Variants in PCED1B observed in about 807,000 individuals in gnomAD.
PCED1B encodes PC-esterase domain-containing protein 1B.
For synonymous variants in PCED1B, 251 were observed against 246.1 expected, an observed-to-expected ratio of 1.02 and a Z score of -0.19; for missense variants, 573 against 573.9, an observed-to-expected ratio of 1.00 and a Z score of 0.02.
At chr12:47,119,966 C>CATAATAATAATA (rs57171859) in intron 2 of PCED1B, among the ~76,000 whole-genome samples, 2 of 148,224 alleles carry the variant, frequency 1.3e-5, no homozygotes, top group African/African-American at 5.0e-5. Context: ...ACTCTGTCTC[C>CATAATAATAATA]ATAATAATAA....
intron 2 of PCED1B, among the ~76,000 whole-genome samples, chr12:47,145,735 A>G (rs1940759787): frequency 6.6e-6 from 1 of 152,234 alleles, no homozygotes; most frequent in East Asian, 1.9e-4. Context: ...ATTGAGACCT[A>G]TTACTCAGAA....
chr12:47,126,564 GT>G (rs1357704287), intron 2 of PCED1B, among the ~76,000 whole-genome samples: 1 of 152,026 alleles, frequency 6.6e-6, no homozygotes, highest in Non-Finnish European at 1.5e-5. Flanking sequence ...GCAAACTTTT[GT>G]AAAATTAGTA....
At chr12:47,218,869 G>A (rs539590914) in intron 3 of PCED1B, among the ~76,000 whole-genome samples, 2 of 151,960 alleles carry the variant, frequency 1.3e-5, no homozygotes, top group Non-Finnish European at 2.9e-5. Context: ...TGTGGAAAAA[G>A]GTGACTCAGG....
At chr12:47,232,062 T>C (rs988010535) in intron 3 of PCED1B, among the ~76,000 whole-genome samples, 1 of 152,240 alleles carries the variant, frequency 6.6e-6, no homozygotes, top group Non-Finnish European at 1.5e-5. Context: ...GACCATATTT[T>C]ACTTATTTTT....
At chr12:47,105,383 A>C (rs1705178548) in intron 2 of PCED1B, among the ~76,000 whole-genome samples, 1 of 152,216 alleles carries the variant, frequency 6.6e-6, no homozygotes, top group Non-Finnish European at 1.5e-5. Flanking sequence ...ACCAGTGCGG[A>C]AAGAAAGTTC....
intron 2 of PCED1B, among the ~76,000 whole-genome samples, chr12:47,159,914 A>G (rs1366657711): frequency 6.6e-6 from 1 of 152,158 alleles, no homozygotes; most frequent in East Asian, 1.9e-4. Context: ...TGACTTTTGT[A>G]TGTGGTGAGA....
At chr12:47,173,656 C>A (rs781327699) in intron 2 of PCED1B, among the ~76,000 whole-genome samples, 1 of 151,900 alleles carries the variant, frequency 6.6e-6, no homozygotes, top group Non-Finnish European at 1.5e-5. Flanking sequence ...GGAAGTTGGG[C>A]CATCCTGCCA....
At chr12:47,081,361 A>G (rs573119576) in intron 1 of PCED1B, among the ~76,000 whole-genome samples, 59 of 152,346 alleles carry the variant, frequency 3.9e-4, no homozygotes, top group African/African-American at 1.4e-3. Context: ...GTTGTTTCCT[A>G]CATGGTCCGT....
At position 47,184,841 on chromosome 12, in the gene PCED1B, A is replaced by G. The variant is rs150377400; in HGVS notation, c.-525-31381A>G. Among the ~76,000 whole-genome samples, 437 of 152,282 alleles carry G rather than the reference A, an allele frequency of 2.9e-3. 6 individuals are homozygous for G. In the South Asian group the frequency reaches 0.031, roughly 11 times the overall value. On this transcript the variant is annotated intron_variant, in intron 2 of 3. Coordinates refer to ENST00000546455, the MANE Select transcript of PCED1B (RefSeq NM_138371.3). Reference sequence around the variant, plus strand: ...TACTTATTTTTCTAATTTTATTATGAACTAGGGAAAGTTTTGTGTATGCAT... The same window carrying G: ...TACTTATTTTTCTAATTTTATTATGGACTAGGGAAAGTTTTGTGTATGCAT...
intron 2 of PCED1B, among the ~76,000 whole-genome samples, chr12:47,165,325 C>G (rs950240079): frequency 2.0e-5 from 3 of 152,160 alleles, no homozygotes; most frequent in African/African-American, 7.2e-5. Flanking sequence ...AAAGACACCA[C>G]TATTTTACAG....
chr12:47,100,151 T>C (rs1215185053), intron 1 of PCED1B, among the ~76,000 whole-genome samples: 1 of 152,260 alleles, frequency 6.6e-6, no homozygotes, highest in East Asian at 1.9e-4. Flanking sequence ...ACACAGTTTC[T>C]GACAGACTGT....
At position 47,153,355 on chromosome 12, in the gene PCED1B, C is replaced by CAAAAAA. The variant is rs11299918; in HGVS notation, c.-526+49176_-526+49181dup. Among the ~76,000 whole-genome samples, 89 of 95,250 alleles carry CAAAAAA rather than the reference C, an allele frequency of 9.3e-4. 1 individual carries two copies. Among genetic ancestry groups the CAAAAAA allele is most frequent in the Non-Finnish European group, 1.0e-3 (51 of 48,816 alleles). The allele number at this position is 95,250 out of a possible 152,430, so 62.5% of individuals were successfully genotyped here. A position where few individuals can be genotyped will look rare whatever the true frequency, so the allele number is the denominator to read the frequency against. On this transcript the variant is annotated intron_variant, in intron 2 of 3. Transcript: ENST00000546455. ...TGGGTGACAGAGCAAGACTCCTTCT[C>CAAAAAA]AAAAAAAAAAAAAAAAAAAAAGAGA...
intron 2 of PCED1B, among the ~76,000 whole-genome samples, chr12:47,208,196 G>A (rs1458567466): frequency 1.3e-5 from 2 of 152,082 alleles, no homozygotes; most frequent in East Asian, 1.9e-4. Context: ...CAGTCATACT[G>A]TTAAGGGATA....
rs1943964004 is a variant in PCED1B at position 47,235,834 on chromosome 12, C to T, written c.771C>T (p.Pro257=). Residue 257 remains proline, a synonymous_variant, in exon 4 of 4, where the codon CCC becomes CCT. Transcript: ENST00000546455. ...CCGACGCCTGGGGTGTGGAGCTGCC[C>T]CACCGCCACCCCGTGGGCGAGTGGA... is the stretch of plus-strand genomic sequence containing the variant. ...HVADAWGVEL[P]HRHPVGEWIK... 1 of 1,574,362 alleles carries T rather than the reference C, an allele frequency of 6.4e-7. No homozygotes were observed. The highest frequency in any genetic ancestry group is 1.4e-5 in the African/African-American group (1 of 73,820).
chr12:47,232,325 G>A (rs1042166135), intron 3 of PCED1B, among the ~76,000 whole-genome samples: 3 of 152,128 alleles, frequency 2.0e-5, no homozygotes, highest in Non-Finnish European at 4.4e-5. Context: ...ATATTTTAAT[G>A]AAAATTCTTT....
chr12:47,153,184 C>T (rs574499893), intron 2 of PCED1B, among the ~76,000 whole-genome samples: 1 of 151,178 alleles, frequency 6.6e-6, no homozygotes, highest in African/African-American at 2.4e-5. Flanking sequence ...CCTGTCTCTA[C>T]TGAAAATACA....
rs1400226589 is a variant in PCED1B at position 47,134,819 on chromosome 12, G to A, written c.-526+30624G>A. Among the ~76,000 whole-genome samples the A allele has an allele frequency of 2.0e-5, 3 of 152,218 alleles. No individual in the cohort carries two copies. In the East Asian group the frequency reaches 5.8e-4, roughly 29 times the overall value. ...AGAGGCAGAGCTTGCAGTGAGCTGA[G>A]ATTGTGCCACTGCACTACAGCCTGG... On this transcript the variant is annotated intron_variant, in intron 2 of 3. Coordinates refer to ENST00000546455, the MANE Select transcript of PCED1B (RefSeq NM_138371.3).
rs35458566 is a variant in PCED1B, at chr12:47,228,038, C to CTTT, written c.-57-6958_-57-6956dup. ...CTCTTCTTCTTTGTTTTTTCTTTTC[C>CTTT]TTTTTTTTTTTTTGAGACAAAGTCA... On this transcript the variant is annotated intron_variant, in intron 3 of 3. Coordinates refer to ENST00000546455, the MANE Select transcript of PCED1B (RefSeq NM_138371.3). Among the ~76,000 whole-genome samples, 739 of 143,474 alleles carry CTTT rather than the reference C, an allele frequency of 5.2e-3. 7 individuals are homozygous for CTTT. Among genetic ancestry groups the CTTT allele is most frequent in the South Asian group, 0.021 (97 of 4,572 alleles). The allele number at this position is 143,474 out of a possible 152,430, so 94.1% of individuals were successfully genotyped here.
intron 2 of PCED1B, among the ~76,000 whole-genome samples, chr12:47,204,280 T>TTGTATG (rs1555151759): frequency 2.0e-5 from 3 of 151,914 alleles, no homozygotes; most frequent in Non-Finnish European, 4.4e-5. Context: ...TTTTTTCTAA[T>TTGTATG]TATGTGAAGA....
Sources: allele counts gnomAD v4.1 joint callset (sites outside exome capture counted in the v4.1 genomes callset), GRCh38; gene constraint gnomAD v4.1.1; transcripts MANE v1.5; gene names NCBI Gene and HGNC (gene_info 2026-07-23, HGNC 2026-07-21).